The following PPHLN1 variants were observed in gnomAD, a reference collection of about 807,000 sequenced individuals.
The protein encoded by PPHLN1 is periphilin 1.
In PPHLN1, 29 loss-of-function variants were observed where a neutral mutation model predicts 51.3. The observed-to-expected ratio is 0.57, with a 90% confidence interval of 0.42 to 0.77. PPHLN1 has a LOEUF of 0.77. PPHLN1 is among the 30% of genes least tolerant of loss of function. PPHLN1 has a pLI of 0.00. For synonymous variants in PPHLN1, 147 were observed against 147.8 expected (o/e 0.99, Z 0.04); for missense variants, 436 against 438.4 (o/e 0.99, Z 0.05).
At chr12:42,440,134 A>C (rs1458130652) in intron 9 of PPHLN1, among the ~76,000 whole-genome samples, 3 of 149,624 alleles carry the variant, frequency 2.0e-5, no homozygotes, top group Non-Finnish European at 3.0e-5. Context: ...TTTTATTTAT[A>C]TTCTATTTAT....
At chr12:42,331,935 A>G (rs2069806349) in intron 1 of PPHLN1, 1 of 152,248 alleles carries the variant, frequency 6.6e-6, no homozygotes, top group Non-Finnish European at 1.5e-5. Flanking sequence ...AATATCATAA[A>G]CAACATATGC....
At chr12:42,424,316 A>C (rs963720200) in intron 9 of PPHLN1, among the ~76,000 whole-genome samples, 3 of 152,230 alleles carry the variant, frequency 2.0e-5, no homozygotes, top group Non-Finnish European at 4.4e-5. Flanking sequence ...CTCATGTAAC[A>C]GGACAGAAAC....
At chr12:42,345,437 T>G (rs959031852) in intron 2 of PPHLN1, among the ~76,000 whole-genome samples, 2 of 152,004 alleles carry the variant, frequency 1.3e-5, no homozygotes, top group African/African-American at 4.8e-5. Flanking sequence ...TTAAATGAGC[T>G]ACATATACTT....
chr12:42,404,632 T>G (rs762421936), intron 9 of PPHLN1, among the ~76,000 whole-genome samples: 11 of 152,256 alleles, frequency 7.2e-5, no homozygotes, highest in Non-Finnish European at 1.0e-4. Flanking sequence ...TTCGACTATT[T>G]GCCTCTTACC....
chr12:42,347,664 C>T (rs539229541), intron 2 of PPHLN1, among the ~76,000 whole-genome samples: 1 of 152,028 alleles, frequency 6.6e-6, no homozygotes, highest in East Asian at 1.9e-4. Context: ...CCTGTAATCC[C>T]AACTACTCGG....
intron 7 of PPHLN1, among the ~76,000 whole-genome samples, chr12:42,390,579 G>A (rs2077599041): frequency 6.6e-6 from 1 of 151,848 alleles, no homozygotes; most frequent in African/African-American, 2.4e-5. Flanking sequence ...TGTAGATCAA[G>A]CTTGATCTAC....
intron 2 of PPHLN1, among the ~76,000 whole-genome samples, chr12:42,349,986 G>GCAGAGGGGGCCCTCCCACCCCC (rs1472087672): frequency 5.3e-5 from 8 of 151,074 alleles, no homozygotes; most frequent in African/African-American, 1.9e-4. Flanking sequence ...TGGTGGCGGG[G>GCAGAGGGGGCCCTCCCACCCCC]CAGAGGGGGC....
intron 4 of PPHLN1, among the ~76,000 whole-genome samples, chr12:42,372,748 AG>A (rs1271755902): frequency 6.6e-6 from 1 of 152,132 alleles, no homozygotes; most frequent in Non-Finnish European, 1.5e-5. Flanking sequence ...TCTGAGTTTG[AG>A]ACTAGTATCT....
intron 1 of PPHLN1, among the ~76,000 whole-genome samples, chr12:42,333,748 C>A (rs1404076021): frequency 6.6e-6 from 1 of 152,178 alleles, no homozygotes; most frequent in Non-Finnish European, 1.5e-5. Context: ...TCCCAAAATG[C>A]TGGGATTACA....
chr12:42,340,901 T>C (rs564838734), intron 2 of PPHLN1, among the ~76,000 whole-genome samples: 21 of 152,198 alleles, frequency 1.4e-4, no homozygotes, highest in Non-Finnish European at 2.6e-4. Flanking sequence ...TAACATTCTA[T>C]TTTGTTTTAT....
rs113850389 is a variant in PPHLN1, at chr12:42,432,082, G to A, written c.910-9233G>A. On this transcript the variant is annotated intron_variant, in intron 9 of 9. Coordinates refer to ENST00000358314, the MANE Select transcript of PPHLN1 (RefSeq NM_201439.2). ...CCACCACGTGGTCCACCACGACCTC[G>A]ACCCCCTGAAACACTTCTGCATCTT... The A allele has an allele frequency of 1.7e-3, 2,619 of 1,566,532 alleles. 41 individuals carry two copies. In the African/African-American group the frequency reaches 0.03, roughly 18 times the overall value.
chr12:42,417,903 GAAA>G (rs59776476), intron 9 of PPHLN1, among the ~76,000 whole-genome samples: 3 of 97,438 alleles, frequency 3.1e-5, no homozygotes, highest in Non-Finnish European at 4.5e-5. Context: ...AGGGAAAAAA[GAAA>G]AAAAAAAGCC....
intron 9 of PPHLN1, chr12:42,432,122 C>G: frequency 1.5e-6 from 2 of 1,344,024 alleles, no homozygotes; most frequent in Non-Finnish European, 2.1e-6. Flanking sequence ...CTGGGCATCT[C>G]CTGCTGTCAC....
In PPHLN1 at chr12:42,329,317, G is replaced by A. The variant is rs970569952; in HGVS notation, c.-21+3088G>A. On this transcript the variant is annotated intron_variant, in intron 1 of 9. Transcript: ENST00000358314. The stretch of plus-strand genomic sequence containing the variant: ...AGATGGGGTTTCACCGTGTTAGCCA[G>A]TATGGTCTCGATCTCCTGACTTCGT... 1.2e-4 allele frequency among the ~76,000 whole-genome samples: 18 copies of A among 151,880 alleles called. No individual in the cohort carries two copies. The South Asian group carries it at 3.1e-3, about 26-fold the overall frequency.
chr12:42,371,125 T>TG (rs2075763747), intron 4 of PPHLN1, among the ~76,000 whole-genome samples: 1 of 138,760 alleles, frequency 7.2e-6, no homozygotes, highest in African/African-American at 2.7e-5. Flanking sequence ...TTTTTTTTTT[T>TG]TTTTTTTTTT....
chr12:42,390,297 G>C (rs1452179267), intron 7 of PPHLN1, among the ~76,000 whole-genome samples: 4 of 152,148 alleles, frequency 2.6e-5, no homozygotes, highest in Admixed American at 1.3e-4. Context: ...AGACCAATTG[G>C]ATTATGGTTC....
intron 4 of PPHLN1, 129 bp from the exon 5 acceptor site, chr12:42,374,734 G>A (rs978949017): frequency 7.3e-5 from 53 of 724,996 alleles, no homozygotes; most frequent in African/African-American, 5.9e-4. Context: ...GATTACAGGC[G>A]TGAGTCACCG....
intron 9 of PPHLN1, among the ~76,000 whole-genome samples, chr12:42,431,142 T>G (rs1669891): frequency 0.28 from 42,620 of 152,158 alleles, 7,332 homozygotes; most frequent in Non-Finnish European, 0.38. Flanking sequence ...GTTTAATAAA[T>G]GTATTCCAGT....
chr12:42,350,936 C>G (rs967848282), intron 2 of PPHLN1, among the ~76,000 whole-genome samples: 1 of 151,140 alleles, frequency 6.6e-6, no homozygotes, highest in Non-Finnish European at 1.5e-5. Flanking sequence ...GCCTCGGCAA[C>G]AGAGGGAGAC....
Sources: allele counts gnomAD v4.1 joint callset (sites outside exome capture counted in the v4.1 genomes callset), GRCh38; gene constraint gnomAD v4.1.1; transcripts MANE v1.5; gene names NCBI Gene and HGNC (gene_info 2026-07-23, HGNC 2026-07-21).